NUDCD1: variants seen among roughly 807,000 people sequenced by gnomAD.
NUDCD1 encodes the protein nudC domain-containing protein 1.
NUDCD1 carries 60 observed loss-of-function variants against 67.8 expected under a neutral mutation model. The observed-to-expected ratio is 0.88, with a 90% CI of 0.72 to 1.10. The LOEUF is 1.10. NUDCD1 is among the 50% of genes least tolerant of loss of function. The pLI is 0.00. For synonymous variants in NUDCD1, 244 were observed against 230.8 expected, an observed-to-expected ratio of 1.06 and a Z score of -0.52; for missense variants, 643 against 695.0, an observed-to-expected ratio of 0.93 and a Z score of 0.84.
chr8:109,329,882 A>G (rs1415332995), intron 1 of NUDCD1: 2 of 1,545,820 alleles, frequency 1.3e-6, no homozygotes. Context: ...CAATAATCTT[A>G]GCAAAGAAAA....
chr8:109,300,104 C>T (rs1169756699), intron 2 of NUDCD1, among the ~76,000 whole-genome samples: 3 of 152,162 alleles, frequency 2.0e-5, no homozygotes, highest in Non-Finnish European at 4.4e-5. Context: ...TGAACAACAG[C>T]CTTGAGCCCT....
chr8:109,265,830 T>C (rs1813980143), intron 8 of NUDCD1, among the ~76,000 whole-genome samples: 1 of 152,128 alleles, frequency 6.6e-6, no homozygotes, highest in Non-Finnish European at 1.5e-5. Context: ...CTGCTGCTCA[T>C]CTGACAGGAT....
chr8:109,289,996 T>C (rs949706148), intron 4 of NUDCD1, 63 bp from the exon 5 acceptor site: 1 of 722,470 alleles, frequency 1.4e-6, no homozygotes, highest in Non-Finnish European at 2.1e-6. Flanking sequence ...AATATTCTGA[T>C]ATTTAAAAAT....
chr8:109,325,605 C>T (rs934770787), intron 1 of NUDCD1, among the ~76,000 whole-genome samples: 13 of 152,178 alleles, frequency 8.5e-5, no homozygotes, highest in Admixed American at 5.2e-4. Flanking sequence ...CAAAGAAGGC[C>T]ACACTGTTCA....
chr8:109,290,053 C>A, intron 4 of NUDCD1, 120 bp from the exon 5 acceptor site: 1 of 512,436 alleles, frequency 2.0e-6, no homozygotes, highest in South Asian at 3.5e-5. Flanking sequence ...TTAAAAGGTA[C>A]ACTATTAAGA....
chr8:109,252,091 G>C (rs1373839046), intron 8 of NUDCD1, among the ~76,000 whole-genome samples: 3 of 152,144 alleles, frequency 2.0e-5, no homozygotes, highest in Non-Finnish European at 4.4e-5. Flanking sequence ...TCACCTCAGA[G>C]TCTATGCTCT....
rs563603586 is a variant in NUDCD1, at chr8:109,251,417, C to T, written c.1300-5936G>A. 9.2e-5 allele frequency among the ~76,000 whole-genome samples: 14 copies of T among 152,116 alleles called. No homozygotes were observed. In the East Asian group the frequency reaches 9.7e-4, roughly 11 times the overall value. ...TGAACTCCTGACTTCGTGATCCACCCGCCTCAGCCTCCTAAAGTGCTGGGA... is the reference window on the plus strand; with the variant it reads ...TGAACTCCTGACTTCGTGATCCACCTGCCTCAGCCTCCTAAAGTGCTGGGA... On this transcript the variant is annotated intron_variant, in intron 8 of 9. Coordinates refer to ENST00000239690, the MANE Select transcript of NUDCD1 (RefSeq NM_032869.4).
At position 109,242,829 on chromosome 8, in the gene NUDCD1, C is replaced by A; in HGVS notation, c.*180G>T. 1 of 374,816 alleles carries A rather than the reference C, an allele frequency of 2.7e-6. No individual in the cohort carries two copies. Among genetic ancestry groups the A allele is most frequent in the Non-Finnish European group, 4.7e-6 (1 of 210,658 alleles). 23.2% of individuals were successfully genotyped at this position (374,816 alleles called of 1,614,324 possible). ...CCAATGTTCTCTAAATCTGCAGCTT[C>A]ATTCCACAGCTTTACAGAATCATAA... On this transcript the variant is annotated 3_prime_UTR_variant, in exon 10 of 10. Coordinates refer to ENST00000239690, the MANE Select transcript of NUDCD1 (RefSeq NM_032869.4).
chr8:109,301,643 A>G (rs1241821490), intron 2 of NUDCD1, among the ~76,000 whole-genome samples: 1 of 151,872 alleles, frequency 6.6e-6, no homozygotes, highest in Non-Finnish European at 1.5e-5. Flanking sequence ...CAAATGGGGT[A>G]AGCGGCCTTT....
chr8:109,271,734 T>C (rs1446786642), intron 7 of NUDCD1, among the ~76,000 whole-genome samples: 1 of 152,066 alleles, frequency 6.6e-6, no homozygotes, highest in Non-Finnish European at 1.5e-5. Flanking sequence ...GTAAGTCACA[T>C]TATAATTAAA....
At position 109,293,490 on chromosome 8, in the gene NUDCD1, A is replaced by C. The variant is rs762912350; in HGVS notation, c.494T>G (p.Ile165Ser). ...MFNEELGDPF[I>S]IIHSISLLNA... is the part of the protein sequence containing the mutation. The stretch of plus-strand genomic sequence containing the variant: ...TAGCAGTGAGATACTGTGAATTATA[A>C]TAAAAGGATCCCCAAGTTCTTCATT... Residue 165 changes from isoleucine (I) to serine (S), a missense_variant, in exon 4 of 10, where the codon ATT becomes AGT. Physicochemically the swap from Ile to Ser is moderately radical, Grantham distance 142. Transcript: ENST00000239690. 4.5e-6 allele frequency: 7 copies of C among 1,565,114 alleles called. No individual in the cohort carries two copies. The South Asian group carries it at 8.4e-5, about 19-fold the overall frequency.
intron 7 of NUDCD1, 138 bp from the exon 8 acceptor site, chr8:109,271,268 C>G: frequency 3.7e-6 from 2 of 540,334 alleles, no homozygotes; most frequent in South Asian, 5.9e-5. Context: ...ATCATAATCA[C>G]AAAAACAGAA....
intron 8 of NUDCD1, among the ~76,000 whole-genome samples, chr8:109,248,994 G>T (rs1813563365): frequency 6.6e-6 from 1 of 151,972 alleles, no homozygotes; most frequent in African/African-American, 2.4e-5. Flanking sequence ...CTAATAAAAA[G>T]AAATTGTGTA....
chr8:109,317,585 A>T (rs1398268716), intron 2 of NUDCD1, among the ~76,000 whole-genome samples: 2 of 152,212 alleles, frequency 1.3e-5, no homozygotes, highest in Non-Finnish European at 2.9e-5. Context: ...AACAGTTAGT[A>T]CGTGTAAAGT....
At position 109,333,431 on chromosome 8, in the gene NUDCD1, C is replaced by T. The variant is rs550776490; in HGVS notation, c.118+462G>A. Reference sequence around the variant, plus strand: ...AACTGAGTAATTAAAAATGCTATGACTGGAATGTAGTTTCTCTTCTAAGAA... The same window carrying T: ...AACTGAGTAATTAAAAATGCTATGATTGGAATGTAGTTTCTCTTCTAAGAA... On this transcript the variant is annotated intron_variant, in intron 1 of 9. Transcript: ENST00000239690. Among the ~76,000 whole-genome samples the T allele has an allele frequency of 5.3e-5, 8 of 152,298 alleles. No individual in the cohort carries two copies. In the East Asian group the frequency reaches 1.5e-3, roughly 29 times the overall value.
chr8:109,293,002 A>C (rs982720063), intron 4 of NUDCD1, among the ~76,000 whole-genome samples: 1 of 152,070 alleles, frequency 6.6e-6, no homozygotes, highest in African/African-American at 2.4e-5. Context: ...GTATTAATTT[A>C]CATTTAGTTT....
At chr8:109,275,958 A>G (rs1586270294) in intron 6 of NUDCD1, among the ~76,000 whole-genome samples, 3 of 152,342 alleles carry the variant, frequency 2.0e-5, no homozygotes, top group East Asian at 3.9e-4. Flanking sequence ...ACTAAGAGCC[A>G]TAATATATGA....
chr8:109,328,327 A>C (rs958407384), intron 1 of NUDCD1, among the ~76,000 whole-genome samples: 2 of 152,178 alleles, frequency 1.3e-5, no homozygotes, highest in Admixed American at 1.3e-4. Flanking sequence ...TCTCTGAAGA[A>C]AGAAAAAGGC....
chr8:109,333,370 A>G (rs1815860832), intron 1 of NUDCD1, among the ~76,000 whole-genome samples: 1 of 152,184 alleles, frequency 6.6e-6, no homozygotes, highest in South Asian at 2.1e-4. Flanking sequence ...ACTATCTTCT[A>G]GAGATGTTCT....
Sources: gnomAD v4.1 joint callset for allele counts (sites outside exome capture counted in the v4.1 genomes callset) on GRCh38, gnomAD v4.1.1 for gene constraint, MANE v1.5 for transcripts, NCBI Gene and HGNC (gene_info 2026-07-23, HGNC 2026-07-21) for gene names.